The following CCNY variants were observed in gnomAD, a reference collection of about 807,000 sequenced individuals.
CCNY encodes the protein cyclin Y.
Under a neutral mutation model 42.8 loss-of-function variants are expected in CCNY, and 19 were observed. The observed-to-expected ratio is 0.44, with a 90% CI of 0.31 to 0.65. The LOEUF is 0.65. CCNY is among the 30% of genes least tolerant of loss of function. The pLI is 0.07. For missense variants in CCNY, 370 were observed against 437.3 expected (o/e 0.85, Z 1.37); for synonymous variants, 165 against 162.7 (o/e 1.01, Z -0.11).
chr10:35,474,445 G>C (rs1839459967), intron 1 of CCNY, among the ~76,000 whole-genome samples: 1 of 152,250 alleles, frequency 6.6e-6, no homozygotes, highest in Non-Finnish European at 1.5e-5. Context: ...CGCAGCTGGA[G>C]ATCTGGGAAC....
chr10:35,425,407 T>G (rs945328985), intron 1 of CCNY, among the ~76,000 whole-genome samples: 1 of 152,196 alleles, frequency 6.6e-6, no homozygotes, highest in Non-Finnish European at 1.5e-5. Context: ...AATTTCCACT[T>G]TACAGAGTTT....
chr10:35,551,934 A>G (rs1841266920), intron 7 of CCNY, among the ~76,000 whole-genome samples: 1 of 152,218 alleles, frequency 6.6e-6, no homozygotes, highest in African/African-American at 2.4e-5. Flanking sequence ...GAAATGTGAA[A>G]TGGTGCATAC....
chr10:35,335,648 T>C (rs929767371), upstream of CCNY, among the ~76,000 whole-genome samples: 3 of 151,130 alleles, frequency 2.0e-5, no homozygotes, highest in African/African-American at 7.3e-5. Context: ...AAGACAGGAG[T>C]TCGATACCAG....
intron 1 of CCNY, among the ~76,000 whole-genome samples, chr10:35,377,768 AACAT>A (rs1461358964): frequency 6.6e-6 from 1 of 152,248 alleles, no homozygotes; most frequent in African/African-American, 2.4e-5. Flanking sequence ...ATTATATGTT[AACAT>A]ACATTTTTAT....
chr10:35,290,961 A>G (rs1158530385), intron 3 of CCNY, among the ~76,000 whole-genome samples: 1 of 152,114 alleles, frequency 6.6e-6, no homozygotes, highest in Non-Finnish European at 1.5e-5. Flanking sequence ...CTATCTCTAG[A>G]GATTTGATAA....
chr10:35,444,249 CT>C (rs1323493317), intron 1 of CCNY, among the ~76,000 whole-genome samples: 451 of 136,496 alleles, frequency 3.3e-3, no homozygotes, highest in African/African-American at 4.1e-3. Flanking sequence ...TGTTTTTTGG[CT>C]TTTTTTTTTT....
chr10:35,445,117 G>A (rs1043512582), intron 1 of CCNY, among the ~76,000 whole-genome samples: 1 of 152,204 alleles, frequency 6.6e-6, no homozygotes, highest in Non-Finnish European at 1.5e-5. Context: ...GCTTGTGGGT[G>A]GTTGGCACTG....
intron 1 of CCNY, among the ~76,000 whole-genome samples, chr10:35,472,313 T>A (rs901379519): frequency 6.6e-6 from 1 of 152,242 alleles, no homozygotes; most frequent in Non-Finnish European, 1.5e-5. Context: ...ATCTTTTACA[T>A]TTTAAAATGT....
chr10:35,322,792 T>G, intron 3 of CCNY, among the ~76,000 whole-genome samples: 1 of 152,190 alleles, frequency 6.6e-6, no homozygotes, highest in East Asian at 1.9e-4. Context: ...GAGATACCAC[T>G]ACGTATCCAT....
chr10:35,449,757 A>G (rs1234033905), intron 1 of CCNY: 3 of 985,164 alleles, frequency 3.0e-6, no homozygotes, highest in Non-Finnish European at 3.6e-6. Flanking sequence ...AGCACAATGG[A>G]GGCAAGAAGG....
At chr10:35,479,864 ACT>A (rs1260128368) in intron 1 of CCNY, among the ~76,000 whole-genome samples, 1 of 151,874 alleles carries the variant, frequency 6.6e-6, no homozygotes, top group Non-Finnish European at 1.5e-5. Flanking sequence ...ATTTTTCCTG[ACT>A]CTGCAATGAG....
intron 1 of CCNY, among the ~76,000 whole-genome samples, chr10:35,424,600 ACTCAT>A (rs1258954806): frequency 6.6e-6 from 1 of 152,052 alleles, no homozygotes; most frequent in Non-Finnish European, 1.5e-5. Flanking sequence ...GTATTTTCTC[ACTCAT>A]CTCATTTGAT....
At chr10:35,340,193 G>C (rs558712999) in intron 1 of CCNY, among the ~76,000 whole-genome samples, 1 of 152,284 alleles carries the variant, frequency 6.6e-6, no homozygotes, top group East Asian at 1.9e-4. Context: ...CCAATACATG[G>C]CAAATGGAAA....
intron 8 of CCNY, among the ~76,000 whole-genome samples, chr10:35,556,968 C>T (rs1841374302): frequency 6.6e-6 from 1 of 151,914 alleles, no homozygotes; most frequent in Non-Finnish European, 1.5e-5. Flanking sequence ...CCTCAGCCTC[C>T]TGAGTAGCTG....
chr10:35,279,022 C>A (rs1038165645), intron 3 of CCNY, among the ~76,000 whole-genome samples: 45 of 151,810 alleles, frequency 3.0e-4, no homozygotes, highest in African/African-American at 1.0e-3. Context: ...GTTGGGGGCT[C>A]AGTGCGGCTC....
At chr10:35,494,599 A>C (rs568250072) in intron 2 of CCNY, among the ~76,000 whole-genome samples, 2 of 152,348 alleles carry the variant, frequency 1.3e-5, no homozygotes, top group South Asian at 4.1e-4. Context: ...ATGAAAACTC[A>C]TGTCCAAATG....
In CCNY at chr10:35,267,100, A is replaced by T. The variant is rs1409638448; in HGVS notation, c.-9+16474A>T. Among the ~76,000 whole-genome samples the T allele has an allele frequency of 3.3e-5, 5 of 151,226 alleles. No individual in the cohort carries two copies. In the East Asian group the frequency reaches 9.7e-4, roughly 29 times the overall value. On this transcript the variant is annotated intron_variant, in intron 3 of 11. Transcript: ENST00000374706. ...TTCTGTCTCAAAAAAAAAAAAAAAA[A>T]TGACCTACTGTGGGTAATGAGGGCA... is the stretch of plus-strand genomic sequence containing the variant.
intron 1 of CCNY, among the ~76,000 whole-genome samples, chr10:35,360,836 A>G (rs1029261001): frequency 2.6e-5 from 4 of 151,962 alleles, no homozygotes; most frequent in South Asian, 4.1e-4. Flanking sequence ...TCAAGCTTCT[A>G]TGGTGGGGAT....
chr10:35,365,549 C>T (rs1836791624), intron 1 of CCNY, among the ~76,000 whole-genome samples: 1 of 152,156 alleles, frequency 6.6e-6, no homozygotes, highest in Admixed American at 6.5e-5. Flanking sequence ...TCCTGGATTA[C>T]CTATCGCAAA....
Sources: allele counts gnomAD v4.1 joint callset (sites outside exome capture counted in the v4.1 genomes callset), GRCh38; gene constraint gnomAD v4.1.1; transcripts MANE v1.5; gene names NCBI Gene and HGNC (gene_info 2026-07-23, HGNC 2026-07-21).